CRABP1: variants seen among roughly 807,000 people sequenced by gnomAD.
The protein encoded by CRABP1 is cellular retinoic acid binding protein 1.
Under a neutral mutation model 16.4 loss-of-function variants are expected in CRABP1, and 9 were observed. The observed-to-expected ratio is 0.55, with a 90% CI of 0.33 to 0.96. The LOEUF (loss-of-function observed/expected upper bound fraction) is 0.96. Ranked by LOEUF, CRABP1 falls within the 40% of genes least tolerant of loss-of-function variation. CRABP1 has a pLI of 0.03. For synonymous variants in CRABP1, 72 were observed against 70.4 expected (o/e 1.02, Z -0.11); for missense variants, 157 against 186.0 (o/e 0.84, Z 0.91).
Position 78,341,463 on chromosome 15 carries a change from G to T in CRABP1, c.249+242G>T, listed in dbSNP as rs140534341. On this transcript the variant is annotated intron_variant, in intron 2 of 3. Transcript: ENST00000299529. The surrounding 1 kb of genome is among the most constrained non-coding windows in gnomAD (Gnocchi z 5.3). ...TGCCTCCCGGGGTGCTAACAGCCGC[G>T]CTTAAAGAGCGGGCTCTGGGTTGCG... 11 of 512,992 alleles carry T rather than the reference G, an allele frequency of 2.1e-5. No homozygotes were observed. The highest frequency in any genetic ancestry group is 1.3e-4 in the Admixed American group (4 of 31,948). 31.8% of individuals were successfully genotyped at this position (512,992 alleles called of 1,614,324 possible). A position where few individuals can be genotyped will look rare whatever the true frequency, so the allele number is the denominator to read the frequency against.
chr15:78,348,035 T>C lies in CRABP1; in HGVS notation c.*58T>C, dbSNP rs534392197. 4.1e-4 allele frequency: 641 copies of C among 1,551,940 alleles called. 1 individual carries two copies. Among genetic ancestry groups the C allele is most frequent in the Non-Finnish European group, 5.0e-4 (567 of 1,127,676 alleles). ...GATGCAGGCTCCCCTGAGGAATATG[T>C]CATAGTTCTGAGCTGCCAGTGGACC... On this transcript the variant is annotated 3_prime_UTR_variant, in exon 4 of 4. Transcript: ENST00000299529.
chr15:78,347,482 T>G (rs960573349), intron 3 of CRABP1, among the ~76,000 whole-genome samples: 3 of 152,124 alleles, frequency 2.0e-5, no homozygotes, highest in Admixed American at 6.5e-5. Flanking sequence ...TGGAAAGCAG[T>G]TCTATTCCTT....
chr15:78,348,065 T>G lies in CRABP1; in HGVS notation c.*88T>G. ...GTTCTGAGCTGCCAGTGGACCGCCCTTTTCCCCTACCAATATTAGGTGATC... is the reference window on the plus strand; with the variant it reads ...GTTCTGAGCTGCCAGTGGACCGCCCGTTTCCCCTACCAATATTAGGTGATC... On this transcript the variant is annotated 3_prime_UTR_variant, in exon 4 of 4. Coordinates refer to ENST00000299529, the MANE Select transcript of CRABP1 (RefSeq NM_004378.3). The G allele has an allele frequency of 8.0e-7, 1 of 1,255,324 alleles. No individual in the cohort carries two copies. The allele number at this position is 1,255,324 out of a possible 1,614,324, so 77.8% of individuals were successfully genotyped here. A position where few individuals can be genotyped will look rare whatever the true frequency, so the allele number is the denominator to read the frequency against.
In CRABP1 at chr15:78,341,525, G is replaced by T; in HGVS notation, c.249+304G>T. ...GCAGTGGCTTTTGCAGCGGTTTGCA[G>T]CGCCAAGCGCAGGCGGCGCAGGAGG... On this transcript the variant is annotated intron_variant, in intron 2 of 3. Coordinates refer to ENST00000299529, the MANE Select transcript of CRABP1 (RefSeq NM_004378.3). This position sits in a 1 kb window ranked among gnomAD's most constrained non-coding sequence, Gnocchi z 5.3. 1 of 387,622 alleles carries T rather than the reference G, an allele frequency of 2.6e-6. No homozygotes were observed. The highest frequency in any genetic ancestry group is 5.9e-5 in the East Asian group (1 of 16,900). The allele number at this position is 387,622 out of a possible 1,614,324, so 24.0% of individuals were successfully genotyped here. A position where few individuals can be genotyped will look rare whatever the true frequency, so the allele number is the denominator to read the frequency against.
intron 3 of CRABP1, 49 bp downstream of exon 3, chr15:78,343,661 G>A: frequency 6.9e-7 from 1 of 1,456,046 alleles, no homozygotes; most frequent in Non-Finnish European, 9.6e-7. Context: ...CCCAGAGGGG[G>A]CCCCAGATGG....
chr15:78,348,219 G>C lies in CRABP1; in HGVS notation c.*242G>C. 1 of 539,762 alleles carries C rather than the reference G, an allele frequency of 1.9e-6. No homozygotes were observed. The allele number at this position is 539,762 out of a possible 1,614,324, so 33.4% of individuals were successfully genotyped here. A position where few individuals can be genotyped will look rare whatever the true frequency, so the allele number is the denominator to read the frequency against. On this transcript the variant is annotated 3_prime_UTR_variant, in exon 4 of 4. Coordinates refer to ENST00000299529, the MANE Select transcript of CRABP1 (RefSeq NM_004378.3). ...CGAAGTCATTAAACTGGTTAGACGTGTCTCAACCTTTTCCCTTTTTTGGTT... is the reference window on the plus strand; with the variant it reads ...CGAAGTCATTAAACTGGTTAGACGTCTCTCAACCTTTTCCCTTTTTTGGTT...
chr15:78,347,353 C>A (rs2050272350), intron 3 of CRABP1, among the ~76,000 whole-genome samples: 1 of 152,212 alleles, frequency 6.6e-6, no homozygotes, highest in African/African-American at 2.4e-5. Context: ...GCTGCAGGGG[C>A]TAGGTTTGGA....
At position 78,341,263 on chromosome 15, in the gene CRABP1, C is replaced by A; in HGVS notation, c.249+42C>A. On this transcript the variant is annotated intron_variant, in intron 2 of 3. Coordinates refer to ENST00000299529, the MANE Select transcript of CRABP1 (RefSeq NM_004378.3). This position sits in a 1 kb window ranked among gnomAD's most constrained non-coding sequence, Gnocchi z 5.3. ...ACTACAGCGTCCCCGTGTCCCCGCT[C>A]GGTGCCCATGGCCCACTGCTGCTGG... 6.3e-7 allele frequency: 1 copy of A among 1,577,282 alleles called. No individual in the cohort carries two copies. The highest frequency in any genetic ancestry group is 2.3e-5 in the East Asian group (1 of 43,152).
intron 1 of CRABP1, chr15:78,340,798 G>A: frequency 1.7e-6 from 1 of 605,010 alleles, no homozygotes; most frequent in South Asian, 2.1e-5. Context: ...AGGAGGATCA[G>A]GGACTTAAAT....
chr15:78,341,143 C>G lies in CRABP1; in HGVS notation c.171C>G (p.Thr57=), dbSNP rs144623327. Residue 57 remains threonine (T), a synonymous_variant, in exon 2 of 4, where the codon ACC becomes ACG. Coordinates refer to ENST00000299529, the MANE Select transcript of CRABP1 (RefSeq NM_004378.3). The surrounding 1 kb of genome is among the most constrained non-coding windows in gnomAD (Gnocchi z 5.3). The stretch of plus-strand genomic sequence containing the variant: ...ATCAGTTCTACATCAAGACATCCAC[C>G]ACGGTGCGCACCACTGAGATCAACT... The part of the protein sequence containing the change: ...DGDQFYIKTS[T]TVRTTEINFK... The G allele has an allele frequency of 3.1e-4, 493 of 1,612,790 alleles. 4 individuals are homozygous for G. The highest frequency in any genetic ancestry group is 4.9e-4 in the Middle Eastern group (3 of 6,084).
At chr15:78,340,693 G>C (rs1188015694) in intron 1 of CRABP1, 195 bp downstream of exon 1, 7 of 657,684 alleles carry the variant, frequency 1.1e-5, no homozygotes, top group Non-Finnish European at 1.8e-5. Context: ...GAACCCACGC[G>C]TTCAGCGAAC....
chr15:78,346,519 A>T (rs1345210633), intron 3 of CRABP1, among the ~76,000 whole-genome samples: 1 of 152,174 alleles, frequency 6.6e-6, no homozygotes, highest in African/African-American at 2.4e-5. Context: ...ATACCCAAAA[A>T]TTAGCTGGGC....
rs936575837 is a variant in CRABP1, at chr15:78,340,507, G to A, written c.70+9G>A. 3.1e-6 allele frequency: 5 copies of A among 1,605,320 alleles called. No individual in the cohort carries two copies. In the African/African-American group the frequency reaches 6.7e-5, roughly 22 times the overall value. On this transcript the variant is annotated intron_variant, in intron 1 of 3. Transcript: ENST00000299529. ...GCTGCTCAAGGCACTGGGTAAGCTGGTGCAGAGGGCGCGCCCCGACGGGGA... is the reference window on the plus strand; with the variant it reads ...GCTGCTCAAGGCACTGGGTAAGCTGATGCAGAGGGCGCGCCCCGACGGGGA...
rs765642594 is a variant in CRABP1 at position 78,340,412 on chromosome 15, C to T, written c.-17C>T. On this transcript the variant is annotated 5_prime_UTR_variant, in exon 1 of 4. Transcript: ENST00000299529. ...GCGCCGCCGCTGTCCGTACCTGCCGCCGCCGCCACCGCCACCATGCCCAAC... is the reference window on the plus strand; with the variant it reads ...GCGCCGCCGCTGTCCGTACCTGCCGTCGCCGCCACCGCCACCATGCCCAAC... The T allele has an allele frequency of 1.3e-5, 21 of 1,581,324 alleles. No individual in the cohort carries two copies. In the South Asian group the frequency reaches 2.4e-4, roughly 18 times the overall value.
intron 3 of CRABP1, among the ~76,000 whole-genome samples, 154 bp downstream of exon 3, chr15:78,343,766 AG>A (rs1283976440): frequency 1.3e-5 from 2 of 152,248 alleles, no homozygotes; most frequent in Non-Finnish European, 2.9e-5. Context: ...ATGACAGTTC[AG>A]GTCAGAGGAA....
At chr15:78,346,693 A>G (rs1420199792) in intron 3 of CRABP1, among the ~76,000 whole-genome samples, 1 of 152,222 alleles carries the variant, frequency 6.6e-6, no homozygotes, top group African/African-American at 2.4e-5. Flanking sequence ...AGTGATGGGC[A>G]TCTGCTTCCT....
chr15:78,344,154 G>A (rs1181956625), intron 3 of CRABP1, among the ~76,000 whole-genome samples: 3 of 152,174 alleles, frequency 2.0e-5, no homozygotes, highest in Non-Finnish European at 4.4e-5. Flanking sequence ...AGTGTGGAGA[G>A]ATGAGCCCCT....
chr15:78,347,772 C>A, intron 3 of CRABP1, 155 bp from the exon 4 acceptor site: 1 of 691,078 alleles, frequency 1.4e-6, no homozygotes. Flanking sequence ...GAAAAAATAT[C>A]CCTTAATGCT....
chr15:78,345,436 G>A (rs1345088169), intron 3 of CRABP1, among the ~76,000 whole-genome samples: 2 of 152,150 alleles, frequency 1.3e-5, no homozygotes, highest in East Asian at 3.8e-4. Flanking sequence ...TGGGCTTGGG[G>A]GAGCAATTTG....
Sources: gnomAD v4.1 joint callset for allele counts (sites outside exome capture counted in the v4.1 genomes callset) on GRCh38, gnomAD v4.1.1 for gene constraint, Gnocchi (gnomAD v3.1) non-coding constraint, MANE v1.5 for transcripts, NCBI Gene and HGNC (gene_info 2026-07-23, HGNC 2026-07-21) for gene names.